Variants in C1QTNF6 observed in about 807,000 individuals in gnomAD.
The protein encoded by C1QTNF6 is complement C1q tumor necrosis factor-related protein 6.
C1QTNF6 carries 17 observed loss-of-function variants against 20.7 expected under a neutral mutation model. The ratio of observed to expected loss-of-function variants is 0.82; its 90% CI spans 0.56 to 1.23. The LOEUF (loss-of-function observed/expected upper bound fraction) is 1.23. C1QTNF6 is among the 50% of genes most tolerant of loss of function. The pLI is 0.00. For missense variants in C1QTNF6, 329 were observed against 389.7 expected (o/e 0.84, Z 1.31); for synonymous variants, 130 against 156.3 (o/e 0.83, Z 1.25).
chr22:37,188,307 G>GGGAGAGAGGGC (rs909065242), upstream of C1QTNF6: 9 of 1,205,408 alleles, frequency 7.5e-6, no homozygotes, highest in Non-Finnish European at 1.0e-5. Context: ...AGGGGATGGA[G>GGGAGAGAGGGC]GGAGAGAGGG....
upstream of C1QTNF6, among the ~76,000 whole-genome samples, chr22:37,199,145 G>A (rs1313553044): frequency 6.6e-6 from 1 of 152,258 alleles, no homozygotes; most frequent in Admixed American, 6.5e-5. Context: ...CAGTGGCAGA[G>A]CCTGCCTGCT....
chr22:37,198,552 C>G (rs932581725), upstream of C1QTNF6, among the ~76,000 whole-genome samples: 1 of 152,210 alleles, frequency 6.6e-6, no homozygotes, highest in Non-Finnish European at 1.5e-5. Flanking sequence ...TCCTGGCGTC[C>G]GCTATGTAGG....
chr22:37,192,274 T>C (rs572128009), upstream of C1QTNF6, among the ~76,000 whole-genome samples: 1 of 152,384 alleles, frequency 6.6e-6, no homozygotes, highest in Non-Finnish European at 1.5e-5. Flanking sequence ...GTAGTCTCAA[T>C]TACATATAAC....
upstream of C1QTNF6, among the ~76,000 whole-genome samples, chr22:37,189,174 G>A (rs565386330): frequency 2.6e-5 from 4 of 152,300 alleles, no homozygotes; most frequent in Non-Finnish European, 4.4e-5. Context: ...CTGTCTTGGT[G>A]CTGGTAGAAG....
rs1428291288 is a variant in C1QTNF6, at chr22:37,184,806, C to T, written c.289+412G>A. ...CCCCAGGGCCCCTGCACCAGCTGTG[C>T]CCTTTGCCAGGAGGCTCCTCCACCA... On this transcript the variant is annotated intron_variant, in intron 2 of 2. Coordinates refer to ENST00000337843, the MANE Select transcript of C1QTNF6 (RefSeq NM_031910.4). This position sits in a 1 kb window ranked among gnomAD's most constrained non-coding sequence, Gnocchi z 4.0. Among the ~76,000 whole-genome samples, 3 of 152,124 alleles carry T rather than the reference C, an allele frequency of 2.0e-5. No individual in the cohort carries two copies. The highest frequency in any genetic ancestry group is 2.0e-4 in the Admixed American group (3 of 15,284).
chr22:37,190,824 A>T (rs1225839691), upstream of C1QTNF6: 1 of 152,240 alleles, frequency 6.6e-6, no homozygotes, highest in African/African-American at 2.4e-5. Context: ...AACATATTCC[A>T]AATTTTGTTT....
At chr22:37,186,449 A>T (rs976296066) in intron 1 of C1QTNF6, among the ~76,000 whole-genome samples, 2 of 152,218 alleles carry the variant, frequency 1.3e-5, no homozygotes, top group East Asian at 3.8e-4. Context: ...CAATCATCGT[A>T]GACCTGCCAA....
At chr22:37,198,602 G>C (rs541511478), upstream of C1QTNF6, among the ~76,000 whole-genome samples, 66 of 152,336 alleles carry the variant, frequency 4.3e-4, no homozygotes, top group African/African-American at 1.4e-3. Flanking sequence ...TTCAAGCGCA[G>C]AGATCAATTT....
Position 37,181,922 on chromosome 22 carries a change from A to G in C1QTNF6, c.*266T>C. 1 of 482,326 alleles carries G rather than the reference A, an allele frequency of 2.1e-6. No homozygotes were observed. Among genetic ancestry groups the G allele is most frequent in the South Asian group, 2.9e-5 (1 of 34,104 alleles). The allele number at this position is 482,326 out of a possible 1,614,324, so 29.9% of individuals were successfully genotyped here. A position where few individuals can be genotyped will look rare whatever the true frequency, so the allele number is the denominator to read the frequency against. ...CCCGGGTGATTCGCATGCATTTCCA[A>G]GTTTGAGAAGTGCTGGGCTACGAGG... On this transcript the variant is annotated 3_prime_UTR_variant, in exon 3 of 3. Coordinates refer to ENST00000337843, the MANE Select transcript of C1QTNF6 (RefSeq NM_031910.4).
intron 1 of C1QTNF6, chr22:37,186,050 A>C (rs926187623): frequency 1.0e-6 from 1 of 985,206 alleles, no homozygotes; most frequent in African/African-American, 1.7e-5. Context: ...CATAGTTCTG[A>C]AAAAAAAGAG....
intron 1 of C1QTNF6, 180 bp from the exon 2 acceptor site, chr22:37,185,635 C>T (rs1394500446): frequency 1.5e-6 from 2 of 1,324,456 alleles, no homozygotes; most frequent in Non-Finnish European, 1.9e-6. Context: ...GCAGCAAGTT[C>T]CCCAAGATCG....
chr22:37,195,599 G>C (rs542332266), intron 1 of C1QTNF6: 4 of 152,148 alleles, frequency 2.6e-5, no homozygotes, highest in Non-Finnish European at 5.9e-5. Flanking sequence ...CAAAAGAATG[G>C]CTACTCCATA....
chr22:37,184,190 G>T lies in C1QTNF6; in HGVS notation c.289+1028C>A, dbSNP rs1349892797. ...CACCACGAAATCAGAACAAGGGCAGGCCAGGTGCCAGGTGACCACTGGCTG... is the reference window on the plus strand; with the variant it reads ...CACCACGAAATCAGAACAAGGGCAGTCCAGGTGCCAGGTGACCACTGGCTG... On this transcript the variant is annotated intron_variant, in intron 2 of 2. Coordinates refer to ENST00000337843, the MANE Select transcript of C1QTNF6 (RefSeq NM_031910.4). This position sits in a 1 kb window ranked among gnomAD's most constrained non-coding sequence, Gnocchi z 4.0. The T allele has an allele frequency of 8.0e-6, 5 of 622,550 alleles. No individual in the cohort carries two copies. Among genetic ancestry groups the T allele is most frequent in the Non-Finnish European group, 1.5e-5 (5 of 338,662 alleles). 38.6% of individuals were successfully genotyped at this position (622,550 alleles called of 1,614,324 possible).
At chr22:37,185,100 C>G in intron 2 of C1QTNF6, 118 bp downstream of exon 2, 3 of 1,442,128 alleles carry the variant, frequency 2.1e-6, no homozygotes, top group Non-Finnish European at 2.7e-6. Context: ...CACATTGGGG[C>G]TCAATAACTC....
At chr22:37,186,892 G>T (rs1924395971) in intron 1 of C1QTNF6, among the ~76,000 whole-genome samples, 2 of 152,086 alleles carry the variant, frequency 1.3e-5, no homozygotes, top group Admixed American at 6.5e-5. Context: ...CCCTGTCTCA[G>T]CTGAGCACTG....
In C1QTNF6 at chr22:37,184,726, G is replaced by T. The variant is rs919683264; in HGVS notation, c.289+492C>A. ...CAGCGGAGCCCAAGTCCCTACAGTA[G>T]CCGGGTGGTGACAGCACCCCATGTG... On this transcript the variant is annotated intron_variant, in intron 2 of 2. Transcript: ENST00000337843. The surrounding 1 kb of genome is among the most constrained non-coding windows in gnomAD (Gnocchi z 4.0). 7.9e-5 allele frequency among the ~76,000 whole-genome samples: 12 copies of T among 152,246 alleles called. No individual in the cohort carries two copies. The highest frequency in any genetic ancestry group is 5.9e-5 in the Non-Finnish European group (4 of 67,998).
chr22:37,198,882 C>A (rs1165370888), upstream of C1QTNF6, among the ~76,000 whole-genome samples: 1 of 152,162 alleles, frequency 6.6e-6, no homozygotes, highest in African/African-American at 2.4e-5. Context: ...CACGTTGAAC[C>A]GCCCAGGGGC....
Position 37,182,393 on chromosome 22 carries a change from T to C in C1QTNF6, c.632A>G (p.His211Arg), listed in dbSNP as rs780736044. 8.7e-6 allele frequency: 14 copies of C among 1,614,140 alleles called. No homozygotes were observed. Among genetic ancestry groups the C allele is most frequent in the East Asian group, 2.2e-5 (1 of 44,904 alleles). ...NYKETYVHIMHNQKEAVILYA... is the reference protein window; with the variant it reads ...NYKETYVHIMRNQKEAVILYA... The stretch of plus-strand genomic sequence containing the variant: ...CAGGATGACAGCCTCTTTCTGGTTA[T>C]GCATAATGTGCACGTACGTCTCCTT... The change falls in exon 3 of 3, where the codon CAT (histidine) becomes CGT (arginine). Residue 211 changes from histidine (H) to arginine (R), a missense_variant. Transcript: ENST00000337843.
chr22:37,186,161 A>T, intron 1 of C1QTNF6: 1 of 984,802 alleles, frequency 1.0e-6, no homozygotes, highest in South Asian at 4.7e-5. Flanking sequence ...AGCAGTCAGG[A>T]GAAGGAATAC....
Sources: gnomAD v4.1 joint callset for allele counts (sites outside exome capture counted in the v4.1 genomes callset) on GRCh38, gnomAD v4.1.1 for gene constraint, Gnocchi (gnomAD v3.1) non-coding constraint, MANE v1.5 for transcripts, NCBI Gene and HGNC (gene_info 2026-07-23, HGNC 2026-07-21) for gene names.